The following TNS3 variants were observed in gnomAD, a reference collection of about 807,000 sequenced individuals.
TNS3 encodes the protein tensin 3.
A neutral mutation model predicts 140.9 loss-of-function variants in TNS3; 45 were observed. That is an observed-to-expected ratio of 0.32 (90% CI 0.25 to 0.41). TNS3 has a LOEUF of 0.41. TNS3 is among the 10% of genes least tolerant of loss of function. TNS3 has a pLI of 1.00. For missense variants in TNS3, 1,716 were observed against 1,906.7 expected (o/e 0.90, Z 1.86); for synonymous variants, 815 against 788.4 (o/e 1.03, Z -0.56).
At chr7:47,496,217 C>T (rs73695356) in intron 3 of TNS3, among the ~76,000 whole-genome samples, 2,822 of 152,198 alleles carry the variant, frequency 0.019, 90 homozygotes, top group African/African-American at 0.064. Context: ...AAGATAAGCA[C>T]GTCAAAAAAG....
At chr7:47,304,778 C>T (rs1786648212) in intron 21 of TNS3, 54 bp downstream of exon 21, 1 of 1,335,040 alleles carries the variant, frequency 7.5e-7, no homozygotes, top group Non-Finnish European at 9.7e-7. Context: ...TGCCTCTCAG[C>T]ATTCTGGGTC....
intron 17 of TNS3, among the ~76,000 whole-genome samples, chr7:47,358,580 G>A (rs1003373025): frequency 3.3e-5 from 5 of 152,180 alleles, no homozygotes; most frequent in Non-Finnish European, 7.3e-5. Context: ...TGTGGGGAGC[G>A]ACGCAGCCGG....
rs201298123 is a variant in TNS3 at position 47,400,929 on chromosome 7, C to G, written c.724-15G>C. On this transcript the variant is annotated splice_polypyrimidine_tract_variant and intron_variant, in intron 13 of 30. Coordinates refer to ENST00000311160, the MANE Select transcript of TNS3 (RefSeq NM_022748.12). The stretch of plus-strand genomic sequence containing the variant: ...TAGCATTTCACCTGGGTTAGAGAGA[C>G]AAAACAAAACAAAGTAGCTGCAGCG... 1.1e-4 allele frequency: 183 copies of G among 1,613,604 alleles called. 1 individual carries two copies. The Middle Eastern group carries it at 1.5e-3, about 13-fold the overall frequency.
At chr7:47,383,297 A>G (rs1791881764) in intron 16 of TNS3, among the ~76,000 whole-genome samples, 1 of 152,196 alleles carries the variant, frequency 6.6e-6, no homozygotes. Flanking sequence ...GAATCACAGA[A>G]GGCCACTCAT....
In TNS3 at chr7:47,369,637, C is replaced by T. The variant is rs1165345036; in HGVS notation, c.1025-16G>A. On this transcript the variant is annotated splice_polypyrimidine_tract_variant and intron_variant, in intron 16 of 30. Coordinates refer to ENST00000311160, the MANE Select transcript of TNS3 (RefSeq NM_022748.12). ...GTGTGTAGCACTGCGGGGGAGAAAA[C>T]CGGAGAGAGGCTTTCAGTCAGGGAT... 4 of 1,535,838 alleles carry T rather than the reference C, an allele frequency of 2.6e-6. No homozygotes were observed. The African/African-American group carries it at 4.1e-5, about 16-fold the overall frequency.
intron 1 of TNS3, chr7:47,579,969 A>C (rs1784488759): frequency 1.5e-4 from 52 of 348,950 alleles, no homozygotes; most frequent in South Asian, 2.3e-4. Context: ...CAAACAGCTC[A>C]CTTTCAAAAC....
At chr7:47,349,939 T>C (rs1234796406) in intron 17 of TNS3, among the ~76,000 whole-genome samples, 1 of 152,150 alleles carries the variant, frequency 6.6e-6, no homozygotes, top group Non-Finnish European at 1.5e-5. Context: ...GCTACGTCTT[T>C]TTTGCAGACA....
intron 27 of TNS3, among the ~76,000 whole-genome samples, chr7:47,284,508 A>G (rs150946631): frequency 4.6e-4 from 70 of 152,310 alleles, no homozygotes; most frequent in Middle Eastern, 6.8e-3. Context: ...GGGCTCCATA[A>G]CAACCCTTCT....
In TNS3 at chr7:47,278,027, C is replaced by G; in HGVS notation, c.*49G>C. 3 of 1,613,324 alleles carry G rather than the reference C, an allele frequency of 1.9e-6. No homozygotes were observed. The highest frequency in any genetic ancestry group is 2.5e-6 in the Non-Finnish European group (3 of 1,179,570). ...GGCCCCACCCTCACCCAACGGCTGT[C>G]TCCAGGGCTTCGAGAGGCATCGGTG... On this transcript the variant is annotated 3_prime_UTR_variant, in exon 31 of 31. Coordinates refer to ENST00000311160, the MANE Select transcript of TNS3 (RefSeq NM_022748.12).
intron 1 of TNS3, among the ~76,000 whole-genome samples, chr7:47,535,241 T>C (rs1347535975): frequency 6.6e-6 from 1 of 152,222 alleles, no homozygotes; most frequent in East Asian, 1.9e-4. Context: ...GGAAAGATAC[T>C]GTGACCTTTC....
intron 20 of TNS3, among the ~76,000 whole-genome samples, chr7:47,325,084 T>TGTGTATCCATTACTCCCATCAACAG (rs1200420245): frequency 1.3e-5 from 2 of 152,126 alleles, no homozygotes; most frequent in Non-Finnish European, 2.9e-5. Flanking sequence ...CGTGTGGTTT[T>TGTGTATCCATTACTCCCATCAACAG]GTGTATCCAT....
intron 1 of TNS3, among the ~76,000 whole-genome samples, chr7:47,554,101 G>A (rs1440027770): frequency 6.6e-6 from 1 of 151,146 alleles, no homozygotes; most frequent in Non-Finnish European, 1.5e-5. Context: ...CACTGTGCCT[G>A]GCCCTCAAGT....
intron 3 of TNS3, among the ~76,000 whole-genome samples, chr7:47,487,595 G>A (rs907720423): frequency 1.3e-5 from 2 of 152,122 alleles, no homozygotes; most frequent in African/African-American, 2.4e-5. Context: ...ATGCAAATCC[G>A]TGGGACAGCA....
chr7:47,279,930 T>G (rs896998262), intron 30 of TNS3: 26 of 587,960 alleles, frequency 4.4e-5, no homozygotes, highest in Middle Eastern at 9.1e-4. Flanking sequence ...TATGCCACAG[T>G]GTTATATGAC....
chr7:47,542,574 T>C (rs1329185141), intron 1 of TNS3, among the ~76,000 whole-genome samples: 1 of 152,200 alleles, frequency 6.6e-6, no homozygotes, highest in Non-Finnish European at 1.5e-5. Flanking sequence ...CCAGTCCCAC[T>C]GCTCCATGGC....
chr7:47,545,288 C>T (rs551052019), intron 1 of TNS3, among the ~76,000 whole-genome samples: 26 of 152,172 alleles, frequency 1.7e-4, no homozygotes, highest in African/African-American at 6.3e-4. Context: ...TACAGGCATG[C>T]ACCACCATGC....
chr7:47,483,154 G>C (rs918142526), intron 3 of TNS3, among the ~76,000 whole-genome samples: 1 of 145,282 alleles, frequency 6.9e-6, no homozygotes, highest in Non-Finnish European at 1.5e-5. Flanking sequence ...ATATGAAGAG[G>C]AAGAAGAGTG....
At chr7:47,346,490 G>T in intron 17 of TNS3, 134 bp from the exon 18 acceptor site, 3 of 1,103,926 alleles carry the variant, frequency 2.7e-6, no homozygotes, top group Non-Finnish European at 3.8e-6. Flanking sequence ...CTGGGAAGAT[G>T]CTGTGGTTGC....
chr7:47,304,651 C>T (rs530538575), intron 21 of TNS3, among the ~76,000 whole-genome samples, 181 bp downstream of exon 21: 2 of 152,298 alleles, frequency 1.3e-5, no homozygotes, highest in East Asian at 1.9e-4. Context: ...CACCTGTCCC[C>T]GGCGGTAGCA....
Sources: gnomAD v4.1 joint callset for allele counts (sites outside exome capture counted in the v4.1 genomes callset) on GRCh38, gnomAD v4.1.1 for gene constraint, MANE v1.5 for transcripts, NCBI Gene and HGNC (gene_info 2026-07-23, HGNC 2026-07-21) for gene names.